The following CLINT1 variants were observed in gnomAD, a reference collection of about 807,000 sequenced individuals.
The protein encoded by CLINT1 is clathrin interactor 1.
Under a neutral mutation model 70.4 loss-of-function variants are expected in CLINT1, and 15 were observed. The observed-to-expected ratio is 0.21, with a 90% CI of 0.14 to 0.33. The LOEUF is 0.33. Ranked by LOEUF, CLINT1 falls within the 10% of genes least tolerant of loss-of-function variation. The pLI is 1.00. For synonymous variants in CLINT1, 227 were observed against 254.7 expected, an observed-to-expected ratio of 0.89 and a Z score of 1.04; for missense variants, 615 against 778.1, an observed-to-expected ratio of 0.79 and a Z score of 2.49.
chr5:157,801,244 C>T (rs1482718662), intron 8 of CLINT1, among the ~76,000 whole-genome samples: 2 of 151,716 alleles, frequency 1.3e-5, no homozygotes, highest in African/African-American at 2.4e-5. Flanking sequence ...TGGTGGCTCA[C>T]GCCTGTAATC....
At chr5:157,799,892 A>T (rs1408290980) in intron 8 of CLINT1, among the ~76,000 whole-genome samples, 1 of 152,136 alleles carries the variant, frequency 6.6e-6, no homozygotes, top group Non-Finnish European at 1.5e-5. Flanking sequence ...CTGTAACACA[A>T]TAGAAAGTGT....
chr5:157,856,337 G>T (rs1334612033), intron 1 of CLINT1, among the ~76,000 whole-genome samples: 1 of 152,222 alleles, frequency 6.6e-6, no homozygotes, highest in African/African-American at 2.4e-5. Flanking sequence ...GGAAGGCAAA[G>T]TCTGGAGATT....
At chr5:157,844,473 C>T (rs774216836) in intron 1 of CLINT1, among the ~76,000 whole-genome samples, 1 of 152,170 alleles carries the variant, frequency 6.6e-6, no homozygotes, top group Non-Finnish European at 1.5e-5. Flanking sequence ...TAGTACTCTA[C>T]AGGGCTTGTG....
At chr5:157,851,686 CAAAA>C (rs34229522) in intron 1 of CLINT1, among the ~76,000 whole-genome samples, 6 of 88,946 alleles carry the variant, frequency 6.7e-5, no homozygotes, top group Non-Finnish European at 4.8e-5. Flanking sequence ...GACCCCGTCT[CAAAA>C]AAAAAAAAAA....
chr5:157,801,492 G>A (rs937177760), intron 8 of CLINT1, among the ~76,000 whole-genome samples: 2 of 151,328 alleles, frequency 1.3e-5, no homozygotes, highest in African/African-American at 4.9e-5. Flanking sequence ...GGCAACAAGG[G>A]CGAAACTCTG....
Position 157,817,456 on chromosome 5 carries a change from C to T in CLINT1, c.133G>A (p.Gly45Arg). The part of the protein sequence containing the change: ...DPWGPSGQLM[G>R]EIAKATFMYE... ...ATTATCACTTACTTGGCAATCTCTC[C>T]CATGAGTTGCCCAGAAGGTCCCCAA... Residue 45 changes from glycine to arginine, a missense_variant, in exon 2 of 12, where the codon GGA becomes AGA. Coordinates refer to ENST00000411809, the MANE Select transcript of CLINT1 (RefSeq NM_014666.4). The T allele has an allele frequency of 6.3e-7, 1 of 1,596,292 alleles. No individual in the cohort carries two copies. Among genetic ancestry groups the T allele is most frequent in the Non-Finnish European group, 8.6e-7 (1 of 1,169,422 alleles).
intron 1 of CLINT1, among the ~76,000 whole-genome samples, chr5:157,855,711 G>C (rs1331212158): frequency 6.6e-6 from 1 of 152,144 alleles, no homozygotes; most frequent in Admixed American, 6.6e-5. Flanking sequence ...GAGATGGGTG[G>C]ATCACCTGAG....
intron 1 of CLINT1, among the ~76,000 whole-genome samples, chr5:157,843,618 T>C (rs1031982508): frequency 1.3e-5 from 2 of 152,186 alleles, no homozygotes; most frequent in African/African-American, 4.8e-5. Context: ...TTAAAACTAA[T>C]ACTCCAAGAA....
chr5:157,829,529 C>T (rs1477288904), intron 1 of CLINT1, among the ~76,000 whole-genome samples: 1 of 151,326 alleles, frequency 6.6e-6, no homozygotes, highest in Admixed American at 6.6e-5. Flanking sequence ...AGAGATAATG[C>T]ACTTTTTTTT....
chr5:157,815,263 G>A (rs1234829789), intron 3 of CLINT1, among the ~76,000 whole-genome samples: 5 of 152,018 alleles, frequency 3.3e-5, no homozygotes, highest in African/African-American at 1.2e-4. Context: ...GCATGCCACT[G>A]CATTCTGGCT....
At chr5:157,810,555 T>G (rs1239942183) in intron 5 of CLINT1, among the ~76,000 whole-genome samples, 1 of 152,108 alleles carries the variant, frequency 6.6e-6, no homozygotes, top group African/African-American at 2.4e-5. Context: ...ATGCAGAGAA[T>G]AGATCGTGGC....
intron 1 of CLINT1, among the ~76,000 whole-genome samples, chr5:157,824,033 T>C (rs1022808068): frequency 3.3e-5 from 5 of 152,202 alleles, no homozygotes; most frequent in African/African-American, 1.2e-4. Context: ...GCAAAAATTG[T>C]CTTCCACAAA....
chr5:157,848,259 G>A (rs1753449686), intron 1 of CLINT1, among the ~76,000 whole-genome samples: 1 of 149,636 alleles, frequency 6.7e-6, no homozygotes, highest in South Asian at 2.1e-4. Context: ...ACTACCCCTG[G>A]CTAATTTTTG....
At chr5:157,858,357 T>C (rs868233616) in intron 1 of CLINT1, among the ~76,000 whole-genome samples, 2 of 152,248 alleles carry the variant, frequency 1.3e-5, no homozygotes, top group Middle Eastern at 3.2e-3. Context: ...AGTGTCTTCT[T>C]GAGTAACTTC....
At chr5:157,846,504 T>A (rs1052720389) in intron 1 of CLINT1, among the ~76,000 whole-genome samples, 2 of 152,078 alleles carry the variant, frequency 1.3e-5, no homozygotes, top group African/African-American at 4.8e-5. Flanking sequence ...GTTTATGAGG[T>A]TTAAGAAAAG....
intron 1 of CLINT1, among the ~76,000 whole-genome samples, chr5:157,848,488 G>A (rs561571252): frequency 4.1e-4 from 63 of 151,812 alleles, no homozygotes; most frequent in African/African-American, 1.5e-3. Flanking sequence ...CAGTAGCAGA[G>A]TTTTAGAGGA....
At chr5:157,847,596 T>C (rs1201032198) in intron 1 of CLINT1, among the ~76,000 whole-genome samples, 2 of 152,106 alleles carry the variant, frequency 1.3e-5, no homozygotes, top group South Asian at 2.1e-4. Context: ...TGGATCACTT[T>C]GAGGGGTTCA....
intron 10 of CLINT1, among the ~76,000 whole-genome samples, chr5:157,790,923 A>G (rs1761882412): frequency 1.3e-5 from 2 of 152,220 alleles, no homozygotes; most frequent in Non-Finnish European, 2.9e-5. Context: ...TGGGAAGAAC[A>G]TTCACCATTC....
At chr5:157,789,680 A>G (rs954448193) in intron 10 of CLINT1, 167 bp from the exon 11 acceptor site, 1 of 831,566 alleles carries the variant, frequency 1.2e-6, no homozygotes, top group African/African-American at 1.7e-5. Context: ...CTAATGTTCT[A>G]TGCTAATGTC....
Sources: gnomAD v4.1 joint callset for allele counts (sites outside exome capture counted in the v4.1 genomes callset) on GRCh38, gnomAD v4.1.1 for gene constraint, MANE v1.5 for transcripts, NCBI Gene and HGNC (gene_info 2026-07-23, HGNC 2026-07-21) for gene names.